Variants in PTPRT observed in about 807,000 individuals in gnomAD.
PTPRT encodes protein tyrosine phosphatase receptor type T, also known as receptor-type tyrosine-protein phosphatase T.
A neutral mutation model predicts 176.8 loss-of-function variants in PTPRT; 56 were observed. The observed-to-expected ratio is 0.32, with a 90% CI of 0.26 to 0.40. PTPRT has a LOEUF of 0.40. PTPRT is among the 10% of genes least tolerant of loss of function. The pLI is 1.00. For missense variants in PTPRT, 1,540 were observed against 1,908.2 expected, an observed-to-expected ratio of 0.81 and a Z score of 3.60; for synonymous variants, 783 against 739.0, an observed-to-expected ratio of 1.06 and a Z score of -0.96.
intron 7 of PTPRT, among the ~76,000 whole-genome samples, chr20:42,499,973 A>T (rs1266068138): frequency 6.6e-6 from 1 of 152,168 alleles, no homozygotes; most frequent in Non-Finnish European, 1.5e-5. Flanking sequence ...ATCACAGTTC[A>T]TTCATTATTC....
chr20:43,160,173 C>G (rs900726291), intron 1 of PTPRT, among the ~76,000 whole-genome samples: 1 of 152,118 alleles, frequency 6.6e-6, no homozygotes, highest in Admixed American at 6.5e-5. Context: ...GCAGGGAGGT[C>G]TCCATGCCAG....
intron 9 of PTPRT, among the ~76,000 whole-genome samples, chr20:42,430,797 C>T (rs893918243): frequency 6.6e-6 from 1 of 152,182 alleles, no homozygotes; most frequent in Non-Finnish European, 1.5e-5. Flanking sequence ...GCATGATACG[C>T]TTTTCACACA....
chr20:42,792,122 A>G (rs1033196286), intron 2 of PTPRT, among the ~76,000 whole-genome samples: 2 of 152,324 alleles, frequency 1.3e-5, no homozygotes, highest in Non-Finnish European at 2.9e-5. Flanking sequence ...CTTGGGATCA[A>G]GAATACACAC....
At chr20:43,131,622 T>C (rs778245702) in intron 1 of PTPRT, among the ~76,000 whole-genome samples, 7 of 152,172 alleles carry the variant, frequency 4.6e-5, no homozygotes, top group Non-Finnish European at 7.3e-5. Context: ...CAGGCCTAGA[T>C]GGATTCATAG....
At chr20:42,308,424 A>T (rs186636318) in intron 12 of PTPRT, among the ~76,000 whole-genome samples, 1 of 152,236 alleles carries the variant, frequency 6.6e-6, no homozygotes, top group Admixed American at 6.5e-5. Context: ...CACAGACACA[A>T]GTCCTAAAGT....
chr20:42,266,078 G>A (rs1300597604), intron 13 of PTPRT, among the ~76,000 whole-genome samples: 1 of 152,214 alleles, frequency 6.6e-6, no homozygotes, highest in African/African-American at 2.4e-5. Context: ...GCTGGGTTGA[G>A]AGTGCATCCA....
intron 1 of PTPRT, among the ~76,000 whole-genome samples, chr20:43,060,714 T>C (rs1211635234): frequency 6.6e-6 from 1 of 152,228 alleles, no homozygotes; most frequent in Non-Finnish European, 1.5e-5. Flanking sequence ...GACCTCTGTG[T>C]TCTCTTCCAG....
At chr20:42,877,967 C>G (rs2078961655) in intron 2 of PTPRT, among the ~76,000 whole-genome samples, 2 of 152,242 alleles carry the variant, frequency 1.3e-5, no homozygotes, top group African/African-American at 2.4e-5. Context: ...TCCCAACCAT[C>G]AAGTCATGGG....
chr20:42,224,296 A>C (rs1375420018), intron 15 of PTPRT, among the ~76,000 whole-genome samples: 3 of 152,206 alleles, frequency 2.0e-5, no homozygotes. Flanking sequence ...TGTTGCAAGA[A>C]ACTAAATACT....
intron 13 of PTPRT, among the ~76,000 whole-genome samples, chr20:42,269,537 G>A (rs950838066): frequency 3.3e-5 from 5 of 152,194 alleles, no homozygotes; most frequent in African/African-American, 7.2e-5. Flanking sequence ...TGAGCCCCAC[G>A]ATGGACATCA....
intron 16 of PTPRT, among the ~76,000 whole-genome samples, chr20:42,197,379 A>AAG (rs1991270948): frequency 7.1e-6 from 1 of 140,092 alleles, no homozygotes; most frequent in Non-Finnish European, 1.6e-5. Flanking sequence ...ACTCCATCAA[A>AAG]AAAAAAAAAA....
chr20:42,922,923 T>A (rs1021772208), intron 1 of PTPRT, among the ~76,000 whole-genome samples: 1 of 151,972 alleles, frequency 6.6e-6, no homozygotes, highest in Non-Finnish European at 1.5e-5. Flanking sequence ...CTCAGGAAAA[T>A]CTTCCCTGAC....
At chr20:42,385,836 T>G (rs2058739513) in intron 9 of PTPRT, among the ~76,000 whole-genome samples, 1 of 152,070 alleles carries the variant, frequency 6.6e-6, no homozygotes, top group Non-Finnish European at 1.5e-5. Flanking sequence ...GATTCAATTA[T>G]CCCCACCTGC....
chr20:42,128,950 A>T, intron 18 of PTPRT, 120 bp from the exon 19 acceptor site: 1 of 681,184 alleles, frequency 1.5e-6, no homozygotes, highest in Non-Finnish European at 2.2e-6. Context: ...CTCTCATTTA[A>T]CTCTCAACAC....
At chr20:42,315,645 A>C in intron 12 of PTPRT, 78 bp downstream of exon 12, 5 of 1,516,282 alleles carry the variant, frequency 3.3e-6, no homozygotes, top group Non-Finnish European at 3.6e-6. Context: ...CCTCTGCTCT[A>C]GAGCCCTGCT....
chr20:42,334,650 C>T (rs1020029588), intron 11 of PTPRT, among the ~76,000 whole-genome samples: 5 of 152,100 alleles, frequency 3.3e-5, no homozygotes, highest in African/African-American at 1.2e-4. Context: ...AATAATCTGG[C>T]AATGGTTTTC....
intron 1 of PTPRT, among the ~76,000 whole-genome samples, chr20:42,956,343 G>A (rs192879995): frequency 1.4e-3 from 214 of 152,228 alleles, no homozygotes; most frequent in Non-Finnish European, 2.7e-3. Flanking sequence ...TCGCAATAGT[G>A]ATTGAGCTCT....
chr20:42,350,804 A>G (rs2058272489), intron 10 of PTPRT, 74 bp from the exon 11 acceptor site: 1 of 1,094,884 alleles, frequency 9.1e-7, no homozygotes. Flanking sequence ...CCTTGCTGCC[A>G]TCCTTAAAGA....
chr20:42,182,230 TG>T (rs1402910395), intron 16 of PTPRT, among the ~76,000 whole-genome samples: 1 of 152,186 alleles, frequency 6.6e-6, no homozygotes, highest in African/African-American at 2.4e-5. Context: ...TGGAGGGCAA[TG>T]GGAAGCCAAT....
Sources: gnomAD v4.1 joint callset for allele counts (sites outside exome capture counted in the v4.1 genomes callset) on GRCh38, gnomAD v4.1.1 for gene constraint, MANE v1.5 for transcripts, NCBI Gene and HGNC (gene_info 2026-07-23, HGNC 2026-07-21) for gene names.